Variants in ATRNL1 observed in about 807,000 individuals in gnomAD.
ATRNL1 encodes attractin like 1, also known as attractin-like protein 1.
Under a neutral mutation model 182.7 loss-of-function variants are expected in ATRNL1, and 95 were observed. That is an observed-to-expected ratio of 0.52 (90% CI 0.44 to 0.62). ATRNL1 has a LOEUF of 0.62. ATRNL1 is among the 20% of genes least tolerant of loss of function. The probability of loss-of-function intolerance (pLI) is 0.00; values close to 1 mark genes in which losing one functional copy is unlikely to be tolerated. For missense variants in ATRNL1, 1,471 were observed against 1,679.5 expected (o/e 0.88, Z 2.17); for synonymous variants, 576 against 568.3 (o/e 1.01, Z -0.19).
Position 115,638,429 on chromosome 10 carries a change from C to A in ATRNL1, c.3796-88819C>A, listed in dbSNP as rs184016235. ...TATTAATATGTATAGTAAGCTTGAA[C>A]CTTGCATGCATTATTCTAAGTGAAA... On this transcript the variant is annotated intron_variant, in intron 26 of 28. Coordinates refer to ENST00000355044, the MANE Select transcript of ATRNL1 (RefSeq NM_207303.4). 1.5e-4 allele frequency among the ~76,000 whole-genome samples: 23 copies of A among 152,238 alleles called. No individual in the cohort carries two copies. In the East Asian group the frequency reaches 4.2e-3, roughly 28 times the overall value.
chr10:115,935,562 T>G (rs929840859), intron 28 of ATRNL1, among the ~76,000 whole-genome samples: 1 of 152,088 alleles, frequency 6.6e-6, no homozygotes, highest in Non-Finnish European at 1.5e-5. Flanking sequence ...GGTCAAGGGA[T>G]CTGGAGTCGT....
At chr10:115,154,842 C>T (rs559281511) in intron 5 of ATRNL1, among the ~76,000 whole-genome samples, 2 of 152,208 alleles carry the variant, frequency 1.3e-5, no homozygotes, top group South Asian at 2.1e-4. Context: ...GAAACGGTGC[C>T]AGGGAGCCCA....
At chr10:115,551,067 C>G (rs1554995436) in intron 26 of ATRNL1, among the ~76,000 whole-genome samples, 1 of 151,654 alleles carries the variant, frequency 6.6e-6, no homozygotes, top group South Asian at 2.1e-4. Flanking sequence ...ATTTCCTTAC[C>G]TCTTAAAAGA....
intron 9 of ATRNL1, among the ~76,000 whole-genome samples, chr10:115,239,636 T>G (rs1188921991): frequency 6.6e-6 from 1 of 152,032 alleles, no homozygotes; most frequent in Non-Finnish European, 1.5e-5. Context: ...CCTCTTAGAG[T>G]GACACCACTA....
chr10:115,286,744 A>G (rs1564881580), intron 15 of ATRNL1, among the ~76,000 whole-genome samples: 1 of 151,968 alleles, frequency 6.6e-6, no homozygotes, highest in Non-Finnish European at 1.5e-5. Context: ...ATTATAGTCG[A>G]TCCTCTGTAT....
At chr10:115,747,351 G>T (rs1362904320) in intron 27 of ATRNL1, among the ~76,000 whole-genome samples, 3 of 152,018 alleles carry the variant, frequency 2.0e-5, no homozygotes, top group Middle Eastern at 3.4e-3. Context: ...TATCTTACTT[G>T]CTCTCATCAC....
At chr10:115,737,972 C>T (rs1338144925) in intron 27 of ATRNL1, among the ~76,000 whole-genome samples, 1 of 151,952 alleles carries the variant, frequency 6.6e-6, no homozygotes, top group South Asian at 2.1e-4. Context: ...ACCAGAGTTT[C>T]TATAGGACCC....
chr10:115,358,003 C>G (rs928246710), intron 19 of ATRNL1, among the ~76,000 whole-genome samples: 1 of 151,636 alleles, frequency 6.6e-6, no homozygotes, highest in Non-Finnish European at 1.5e-5. Context: ...CAATTCCAAA[C>G]TGATCCTGGC....
chr10:115,638,722 G>A (rs1440285867), intron 26 of ATRNL1, among the ~76,000 whole-genome samples: 1 of 152,098 alleles, frequency 6.6e-6, no homozygotes, highest in African/African-American at 2.4e-5. Flanking sequence ...TTTAAATAAA[G>A]AATCAAATGA....
chr10:115,672,702 A>T (rs1489142023), intron 26 of ATRNL1, among the ~76,000 whole-genome samples: 1 of 152,050 alleles, frequency 6.6e-6, no homozygotes, highest in Admixed American at 6.6e-5. Context: ...AAGATTAATT[A>T]TCTGTCATTC....
intron 26 of ATRNL1, chr10:115,598,050 A>G (rs964484463): frequency 6.5e-6 from 1 of 154,310 alleles, no homozygotes; most frequent in Non-Finnish European, 1.4e-5. Context: ...AATAGACCTA[A>G]TTTGAACATG....
In ATRNL1 at chr10:115,948,122, A is replaced by G. The variant is rs560034253; in HGVS notation, c.*3343A>G. 1 of 152,342 alleles carries G rather than the reference A, an allele frequency of 6.6e-6. No individual in the cohort carries two copies. The highest frequency in any genetic ancestry group is 1.9e-4 in the East Asian group (1 of 5,186). The allele number at this position is 152,342 out of a possible 1,614,324, so 9.4% of individuals were successfully genotyped here. Reference sequence around the variant, plus strand: ...TTAAGTTCCTGTATTTCTAAGATATAGGGATTTCTACAAAACGACTTTGAC... The same window carrying G: ...TTAAGTTCCTGTATTTCTAAGATATGGGGATTTCTACAAAACGACTTTGAC... On this transcript the variant is annotated 3_prime_UTR_variant, in exon 29 of 29. Coordinates refer to ENST00000355044, the MANE Select transcript of ATRNL1 (RefSeq NM_207303.4).
At chr10:115,390,960 G>A (rs888606996) in intron 19 of ATRNL1, among the ~76,000 whole-genome samples, 4 of 152,138 alleles carry the variant, frequency 2.6e-5, no homozygotes, top group Admixed American at 2.6e-4. Flanking sequence ...CATTGTTAGT[G>A]TGAAGGGATG....
At chr10:115,720,195 A>G (rs12267217) in intron 26 of ATRNL1, among the ~76,000 whole-genome samples, 1,916 of 152,172 alleles carry the variant, frequency 0.013, 41 homozygotes, top group African/African-American at 0.044. Context: ...TATTTTCATG[A>G]AGACTTACAA....
At chr10:115,902,426 A>G (rs971778005) in intron 28 of ATRNL1, among the ~76,000 whole-genome samples, 4 of 152,186 alleles carry the variant, frequency 2.6e-5, no homozygotes, top group Non-Finnish European at 4.4e-5. Context: ...TAGAACTCAC[A>G]TAGTGCATTC....
At chr10:115,383,393 C>T (rs991659003) in intron 19 of ATRNL1, among the ~76,000 whole-genome samples, 1 of 151,448 alleles carries the variant, frequency 6.6e-6, no homozygotes, top group Non-Finnish European at 1.5e-5. Context: ...CTTTGTGGGT[C>T]TGTATGGTTT....
At chr10:115,144,187 G>T (rs1031001261) in intron 5 of ATRNL1, among the ~76,000 whole-genome samples, 1 of 151,360 alleles carries the variant, frequency 6.6e-6, no homozygotes, top group Non-Finnish European at 1.5e-5. Flanking sequence ...TCATGCTGTC[G>T]CCCAGGCTGG....
At chr10:115,569,776 C>CT (rs10581276) in intron 26 of ATRNL1, among the ~76,000 whole-genome samples, 1 of 150,198 alleles carries the variant, frequency 6.7e-6, no homozygotes, top group African/African-American at 2.5e-5. Context: ...TCTTTAAATA[C>CT]TTTTTTTTTT....
chr10:115,328,461 T>C (rs1855033779), intron 18 of ATRNL1, among the ~76,000 whole-genome samples: 1 of 152,166 alleles, frequency 6.6e-6, no homozygotes, highest in Non-Finnish European at 1.5e-5. Flanking sequence ...TTCTAGCTAT[T>C]TGAAATGCAT....
Sources: gnomAD v4.1 joint callset for allele counts (sites outside exome capture counted in the v4.1 genomes callset) on GRCh38, gnomAD v4.1.1 for gene constraint, MANE v1.5 for transcripts, NCBI Gene and HGNC (gene_info 2026-07-23, HGNC 2026-07-21) for gene names.